RAPGEF2: variants seen among roughly 807,000 people sequenced by gnomAD.
RAPGEF2 encodes PDZ domain containing guanine nucleotide exchange factor (GEF) 1.
RAPGEF2 carries 54 observed loss-of-function variants against 186.7 expected under a neutral mutation model. That is an observed-to-expected ratio of 0.29 (90% CI 0.23 to 0.36). The LOEUF is 0.36. Among genes scored for constraint, RAPGEF2 ranks in the 10% least tolerant of loss-of-function variants. The probability of loss-of-function intolerance (pLI) is 1.00; values close to 1 mark genes in which losing one functional copy is unlikely to be tolerated. For synonymous variants in RAPGEF2, 712 were observed against 705.9 expected, an observed-to-expected ratio of 1.01 and a Z score of -0.14; for missense variants, 1,532 against 2,045.0, an observed-to-expected ratio of 0.75 and a Z score of 4.84.
intron 20 of RAPGEF2, among the ~76,000 whole-genome samples, chr4:159,342,360 G>T (rs1729587781): frequency 6.6e-6 from 1 of 151,692 alleles, no homozygotes; most frequent in African/African-American, 2.4e-5. Context: ...ATAGCACAAA[G>T]CAGATGGCCG....
chr4:159,161,954 T>C (rs911785654), intron 1 of RAPGEF2, among the ~76,000 whole-genome samples: 2 of 152,228 alleles, frequency 1.3e-5, no homozygotes, highest in African/African-American at 4.8e-5. Flanking sequence ...TAAACTTTTA[T>C]AGTCTTTTAA....
intron 6 of RAPGEF2, among the ~76,000 whole-genome samples, 186 bp downstream of exon 6, chr4:159,241,554 T>G (rs1184612739): frequency 6.7e-6 from 1 of 148,674 alleles, no homozygotes; most frequent in African/African-American, 2.4e-5. Context: ...ATATATAATA[T>G]GTATATATTA....
chr4:159,310,918 A>G (rs909783424), intron 8 of RAPGEF2, among the ~76,000 whole-genome samples: 5 of 152,180 alleles, frequency 3.3e-5, no homozygotes, highest in African/African-American at 1.2e-4. Context: ...ATAGGCAAAT[A>G]TGTATTTAAA....
intron 1 of RAPGEF2, among the ~76,000 whole-genome samples, chr4:159,136,042 G>T (rs1319002736): frequency 1.3e-5 from 2 of 152,158 alleles, no homozygotes; most frequent in African/African-American, 4.8e-5. Flanking sequence ...CATTAATATT[G>T]AATCAATACC....
At chr4:159,261,086 G>A (rs935517496) in intron 7 of RAPGEF2, among the ~76,000 whole-genome samples, 3 of 142,184 alleles carry the variant, frequency 2.1e-5, no homozygotes, top group African/African-American at 7.7e-5. Flanking sequence ...TTTTTTAGAC[G>A]GAGTCACTCT....
At chr4:159,128,582 G>T (rs986219970) in intron 1 of RAPGEF2, among the ~76,000 whole-genome samples, 1 of 151,768 alleles carries the variant, frequency 6.6e-6, no homozygotes, top group Non-Finnish European at 1.5e-5. Flanking sequence ...TGAATACAAA[G>T]CAGTAAAACC....
chr4:159,275,054 C>T (rs1051367819), intron 7 of RAPGEF2, among the ~76,000 whole-genome samples: 5 of 143,868 alleles, frequency 3.5e-5, no homozygotes, highest in Non-Finnish European at 7.6e-5. Flanking sequence ...CTCTGTCTCT[C>T]GTGTGTGTGT....
At chr4:159,211,370 C>T (rs1026282013) in intron 4 of RAPGEF2, among the ~76,000 whole-genome samples, 6 of 152,022 alleles carry the variant, frequency 3.9e-5, no homozygotes, top group South Asian at 2.1e-4. Flanking sequence ...GTGTGCTTTT[C>T]GCAAGTAAAT....
At chr4:159,193,295 C>G in intron 3 of RAPGEF2, 39 bp downstream of exon 3, 1 of 1,297,806 alleles carries the variant, frequency 7.7e-7, no homozygotes. Flanking sequence ...GTATCTAATC[C>G]AGTGACTAAA....
chr4:159,248,793 A>G (rs975469578), intron 7 of RAPGEF2, among the ~76,000 whole-genome samples: 2 of 152,244 alleles, frequency 1.3e-5, no homozygotes, highest in African/African-American at 4.8e-5. Context: ...TGCTATTAAC[A>G]GCATGCATTG....
chr4:159,162,868 CT>C (rs1405471921), intron 1 of RAPGEF2, among the ~76,000 whole-genome samples: 1 of 151,850 alleles, frequency 6.6e-6, no homozygotes, highest in Non-Finnish European at 1.5e-5. Context: ...TAAGTTGTCT[CT>C]TTTATTGTTC....
At chr4:159,271,768 A>C (rs930509838) in intron 7 of RAPGEF2, among the ~76,000 whole-genome samples, 1 of 152,198 alleles carries the variant, frequency 6.6e-6, no homozygotes, top group South Asian at 2.1e-4. Flanking sequence ...TCCTGCAGCT[A>C]TCTTTTTCCT....
chr4:159,150,611 G>T (rs1171724017), intron 1 of RAPGEF2, among the ~76,000 whole-genome samples: 1 of 152,146 alleles, frequency 6.6e-6, no homozygotes, highest in Non-Finnish European at 1.5e-5. Context: ...TATAAGAATT[G>T]AAACAGGAAG....
At chr4:159,207,849 T>C (rs1455553021) in intron 3 of RAPGEF2, among the ~76,000 whole-genome samples, 2 of 152,256 alleles carry the variant, frequency 1.3e-5, no homozygotes, top group African/African-American at 4.8e-5. Flanking sequence ...AATAACAGTT[T>C]TACTTGGCAT....
At chr4:159,207,764 A>G (rs1561086853) in intron 3 of RAPGEF2, among the ~76,000 whole-genome samples, 1 of 151,986 alleles carries the variant, frequency 6.6e-6, no homozygotes, top group Non-Finnish European at 1.5e-5. Context: ...TTTACAGAGT[A>G]TTTTTTTTCC....
rs1403371158 is a variant in RAPGEF2 at position 159,252,894 on chromosome 4, CATTG to C, written c.543+9107_543+9110del. Among the ~76,000 whole-genome samples, 3 of 152,168 alleles carry C rather than the reference CATTG, an allele frequency of 2.0e-5. No individual in the cohort carries two copies. The East Asian group carries it at 5.8e-4, about 29-fold the overall frequency. ...AAACAAAAAGTTTTAAATATGTATC[CATTG>C]ATTAACTTAAAAATAGTGATACACC... On this transcript the variant is annotated intron_variant, in intron 7 of 29. Transcript: ENST00000691494.
chr4:159,253,257 A>G (rs1755686068), intron 7 of RAPGEF2, among the ~76,000 whole-genome samples: 2 of 152,266 alleles, frequency 1.3e-5, no homozygotes, highest in South Asian at 2.1e-4. Flanking sequence ...ATTTAAAACC[A>G]TGTTAGTGTA....
chr4:159,292,062 C>G (rs540342492), intron 7 of RAPGEF2, among the ~76,000 whole-genome samples: 1 of 152,118 alleles, frequency 6.6e-6, no homozygotes, highest in Admixed American at 6.5e-5. Flanking sequence ...TGAGGAAAAT[C>G]TTTTGTGCAA....
chr4:159,143,932 A>AGAC (rs1377990961), intron 1 of RAPGEF2, among the ~76,000 whole-genome samples: 3 of 152,208 alleles, frequency 2.0e-5, no homozygotes, highest in Admixed American at 2.0e-4. Flanking sequence ...GTGTATAGTC[A>AGAC]GTTTGTTCAG....
Sources: allele counts gnomAD v4.1 joint callset (sites outside exome capture counted in the v4.1 genomes callset), GRCh38; gene constraint gnomAD v4.1.1; transcripts MANE v1.5; gene names NCBI Gene and HGNC (gene_info 2026-07-23, HGNC 2026-07-21).